Variants in GLB1 observed in about 807,000 individuals in gnomAD.
The protein encoded by GLB1 is beta-galactosidase.
Under a neutral mutation model 74.0 loss-of-function variants are expected in GLB1, and 56 were observed. The observed-to-expected ratio is 0.76, with a 90% confidence interval of 0.61 to 0.94. GLB1 has a LOEUF of 0.94. GLB1 is among the 40% of genes least tolerant of loss of function. GLB1 has a pLI of 0.00. For missense variants in GLB1, 787 were observed against 845.5 expected, an observed-to-expected ratio of 0.93 and a Z score of 0.86; for synonymous variants, 323 against 323.6, an observed-to-expected ratio of 1.00 and a Z score of 0.02.
chr3:32,962,330 TTAA>T, the GLB1 span, among the ~76,000 whole-genome samples: 1 of 151,638 alleles, frequency 6.6e-6, no homozygotes, highest in African/African-American at 2.4e-5. Context: ...TGGACGTTAG[TTAA>T]TAATAATGTA....
chr3:33,025,622 CCGTGGCGGTGGG>C (rs1697710785), intron 10 of GLB1, among the ~76,000 whole-genome samples: 1 of 150,612 alleles, frequency 6.6e-6, no homozygotes, highest in African/African-American at 2.4e-5. Context: ...AGGTCGTGGG[CCGTGGCGGTGGG>C]AGCAGCTGCT....
intron 12 of GLB1, 67 bp from the exon 13 acceptor site, chr3:33,018,628 T>C: frequency 6.6e-7 from 1 of 1,510,612 alleles, no homozygotes; most frequent in Non-Finnish European, 9.1e-7. Flanking sequence ...TTGGTTACCC[T>C]AGACATGTAT....
At chr3:33,022,583 T>TTTTTTTTTTTTTTTTTG (rs1697544254) in intron 11 of GLB1, among the ~76,000 whole-genome samples, 1 of 144,984 alleles carries the variant, frequency 6.9e-6, no homozygotes, top group Admixed American at 7.0e-5. Flanking sequence ...TTTTTTTTTT[T>TTTTTTTTTTTTTTTTTG]GAGAGAGTCT....
chr3:33,007,423 T>C (rs929152039), intron 15 of GLB1, among the ~76,000 whole-genome samples: 1 of 152,238 alleles, frequency 6.6e-6, no homozygotes, highest in Non-Finnish European at 1.5e-5. Flanking sequence ...TCTATATGAA[T>C]TTGCCTGTTC....
intron 1 of GLB1, among the ~76,000 whole-genome samples, chr3:33,085,582 C>T (rs928360600): frequency 2.6e-5 from 4 of 151,856 alleles, no homozygotes; most frequent in South Asian, 2.1e-4. Context: ...ACCCATATAG[C>T]GCCTAAATTG....
In GLB1 at chr3:33,093,239, A is replaced by T. The variant is rs768435719; in HGVS notation, c.75+3772T>A. Reference sequence around the variant, plus strand: ...AGTCCTCATCCTCACTCCCACTGCCACTGCCACCACCACCACGTTGGGCCC... The same window carrying T: ...AGTCCTCATCCTCACTCCCACTGCCTCTGCCACCACCACCACGTTGGGCCC... On this transcript the variant is annotated intron_variant, in intron 1 of 15. Transcript: ENST00000307363. The surrounding 1 kb of genome is among the most constrained non-coding windows in gnomAD (Gnocchi z 6.0). 6.2e-7 allele frequency: 1 copy of T among 1,614,140 alleles called. No individual in the cohort carries two copies. The highest frequency in any genetic ancestry group is 1.3e-5 in the African/African-American group (1 of 75,056).
downstream of GLB1, among the ~76,000 whole-genome samples, chr3:32,992,441 G>A (rs1407993371): frequency 6.6e-6 from 1 of 152,178 alleles, no homozygotes; most frequent in Non-Finnish European, 1.5e-5. Flanking sequence ...TTCTGTGGTG[G>A]AATATGATAG....
rs189503132 is a variant in GLB1, at chr3:33,024,306, C to A, written c.1088G>T (p.Gly363Val). ...CTTTGGTGTAGATGGAGGGATAGGA[C>A]CTTCTGGTACTTTTTCAAACTATAA... ...IIQKFEKVPE[G>V]PIPPSTPKFA... Residue 363 changes from glycine (G) to valine (V), a missense_variant, in exon 11 of 16, where the codon GGT becomes GTT. Transcript: ENST00000307363. The A allele has an allele frequency of 1.2e-6, 2 of 1,612,494 alleles. No homozygotes were observed. The highest frequency in any genetic ancestry group is 2.7e-5 in the African/African-American group (2 of 74,634).
intron 4 of GLB1, 83 bp downstream of exon 4, chr3:33,068,147 A>T (rs1451028583): frequency 1.9e-6 from 3 of 1,599,644 alleles, no homozygotes; most frequent in Non-Finnish European, 2.6e-6. Context: ...TCAGCCTCCC[A>T]AAGTGTCAGG....
At position 33,028,105 on chromosome 3, in the gene GLB1, T is replaced by G. The variant is rs1426010664; in HGVS notation, c.1069-3780A>C. Among the ~76,000 whole-genome samples the G allele has an allele frequency of 3.3e-5, 5 of 152,286 alleles. No homozygotes were observed. The East Asian group carries it at 9.6e-4, about 29-fold the overall frequency. On this transcript the variant is annotated intron_variant, in intron 10 of 15. Coordinates refer to ENST00000307363, the MANE Select transcript of GLB1 (RefSeq NM_000404.4). ...TTTTTGTAGAAATGGGGTCTCACTA[T>G]GTTGCCTAGCCTGGTCTCGAACTCC...
chr3:33,072,401 C>T, intron 2 of GLB1, 143 bp downstream of exon 2: 2 of 1,306,214 alleles, frequency 1.5e-6, no homozygotes, highest in Non-Finnish European at 2.1e-6. Flanking sequence ...CAGTCCGGCT[C>T]ATGACAAGCC....
At chr3:32,994,836 G>A (rs1488553608), downstream of GLB1, among the ~76,000 whole-genome samples, 1 of 150,314 alleles carries the variant, frequency 6.7e-6, no homozygotes, top group Non-Finnish European at 1.5e-5. Flanking sequence ...CAGGAGAATC[G>A]CTTGAACCCA....
intron 11 of GLB1, among the ~76,000 whole-genome samples, chr3:33,022,909 G>A (rs1480630238): frequency 6.6e-6 from 1 of 151,938 alleles, no homozygotes; most frequent in Non-Finnish European, 1.5e-5. Flanking sequence ...CTGATGTGCA[G>A]CATCAAGGAA....
chr3:33,093,072 T>C lies in GLB1; in HGVS notation c.75+3939A>G. Reference sequence around the variant, plus strand: ...ATCTGGCCGAGCCTGGAGAGCTCTCTTGGCAGCCAGGGGCTGGTGAGCTAG... The same window carrying C: ...ATCTGGCCGAGCCTGGAGAGCTCTCCTGGCAGCCAGGGGCTGGTGAGCTAG... On this transcript the variant is annotated intron_variant, in intron 1 of 15. Transcript: ENST00000307363. This position sits in a 1 kb window ranked among gnomAD's most constrained non-coding sequence, Gnocchi z 6.0. 2 of 1,614,208 alleles carry C rather than the reference T, an allele frequency of 1.2e-6. No homozygotes were observed. Among genetic ancestry groups the C allele is most frequent in the Non-Finnish European group, 1.7e-6 (2 of 1,180,024 alleles).
chr3:32,988,739 T>A, the GLB1 span, among the ~76,000 whole-genome samples: 4 of 152,224 alleles, frequency 2.6e-5, no homozygotes, highest in Non-Finnish European at 4.4e-5. Flanking sequence ...ATCTGGAATA[T>A]GTATTTCAAC....
At chr3:33,073,064 G>T (rs1358175607) in intron 1 of GLB1, among the ~76,000 whole-genome samples, 1 of 152,100 alleles carries the variant, frequency 6.6e-6, no homozygotes, top group African/African-American at 2.4e-5. Context: ...CGCCATTGTT[G>T]CTGTGACCTG....
intron 9 of GLB1, among the ~76,000 whole-genome samples, chr3:33,050,745 C>T (rs1251325475): frequency 6.6e-6 from 1 of 152,132 alleles, no homozygotes; most frequent in Non-Finnish European, 1.5e-5. Context: ...AATACCACTG[C>T]ATCATATACT....
chr3:33,042,037 T>C (rs1698522587), intron 10 of GLB1, among the ~76,000 whole-genome samples: 1 of 152,140 alleles, frequency 6.6e-6, no homozygotes, highest in African/African-American at 2.4e-5. Context: ...CTCTCTTTCA[T>C]ACTCCCCATC....
intron 1 of GLB1, among the ~76,000 whole-genome samples, chr3:33,094,801 AT>A (rs1700935292): frequency 6.6e-6 from 1 of 152,256 alleles, no homozygotes. Context: ...ATTTGCAGAA[AT>A]GTAAAACAGT....
Sources: allele counts gnomAD v4.1 joint callset (sites outside exome capture counted in the v4.1 genomes callset), GRCh38; gene constraint gnomAD v4.1.1; non-coding constraint Gnocchi (gnomAD v3.1); transcripts MANE v1.5; gene names NCBI Gene and HGNC (gene_info 2026-07-23, HGNC 2026-07-21).